The following AGPAT5 variants were observed in gnomAD, a reference collection of about 807,000 sequenced individuals.
AGPAT5 encodes the protein 1-acylglycerol-3-phosphate O-acyltransferase 5.
A neutral mutation model predicts 45.6 loss-of-function variants in AGPAT5; 46 were observed. The ratio of observed to expected loss-of-function variants is 1.01; its 90% confidence interval spans 0.80 to 1.29. AGPAT5 has a LOEUF of 1.29. AGPAT5 is among the 50% of genes most tolerant of loss of function. AGPAT5 has a pLI of 0.00. For synonymous variants in AGPAT5, 272 were observed against 167.0 expected (o/e 1.63, Z -4.85); for missense variants, 673 against 450.7 (o/e 1.49, Z -4.47).
intron 2 of AGPAT5, among the ~76,000 whole-genome samples, chr8:6,726,454 C>A (rs1408005908): frequency 6.6e-6 from 1 of 152,158 alleles, no homozygotes; most frequent in African/African-American, 2.4e-5. Flanking sequence ...AGTATGAACT[C>A]CACTCGATTA....
rs947528516 is a variant in AGPAT5, at chr8:6,757,531, G to A, written c.*143G>A. ...AAGATTGGATAATAGAATTTGTGACGAAAGCTGATATGCAATGGTCTTGGG... is the reference window on the plus strand; with the variant it reads ...AAGATTGGATAATAGAATTTGTGACAAAAGCTGATATGCAATGGTCTTGGG... On this transcript the variant is annotated 3_prime_UTR_variant, in exon 8 of 8. Coordinates refer to ENST00000285518, the MANE Select transcript of AGPAT5 (RefSeq NM_018361.5). 4.0e-5 allele frequency: 27 copies of A among 683,022 alleles called. 1 individual carries two copies. Among genetic ancestry groups the A allele is most frequent in the South Asian group, 2.7e-4 (14 of 51,230 alleles). 42.3% of individuals were successfully genotyped at this position (683,022 alleles called of 1,614,324 possible). A position where few individuals can be genotyped will look rare whatever the true frequency, so the allele number is the denominator to read the frequency against.
chr8:6,709,991 T>G (rs1276454440), intron 1 of AGPAT5, among the ~76,000 whole-genome samples: 1 of 152,230 alleles, frequency 6.6e-6, no homozygotes, highest in Non-Finnish European at 1.5e-5. Context: ...TCAGGCTAAT[T>G]TTTTCCCTTT....
intron 4 of AGPAT5, among the ~76,000 whole-genome samples, chr8:6,736,538 A>G (rs1455360060): frequency 6.6e-6 from 1 of 152,190 alleles, no homozygotes; most frequent in Non-Finnish European, 1.5e-5. Flanking sequence ...GTTCTTGCTT[A>G]TGGTACTTTC....
rs79089126 is a variant in AGPAT5, at chr8:6,757,857, A to G, written c.*469A>G. 626 of 154,156 alleles carry G rather than the reference A, an allele frequency of 4.1e-3. 3 individuals carry two copies. Among genetic ancestry groups the G allele is most frequent in the South Asian group, 9.4e-3 (46 of 4,912 alleles). 9.5% of individuals were successfully genotyped at this position (154,156 alleles called of 1,614,324 possible). ...TTGCTTATTTCTACAAGTCAGTGAAATAAATTGTATTTAGGAAGTGTCAGG... is the reference window on the plus strand; with the variant it reads ...TTGCTTATTTCTACAAGTCAGTGAAGTAAATTGTATTTAGGAAGTGTCAGG... On this transcript the variant is annotated 3_prime_UTR_variant, in exon 8 of 8. Coordinates refer to ENST00000285518, the MANE Select transcript of AGPAT5 (RefSeq NM_018361.5).
intron 1 of AGPAT5, among the ~76,000 whole-genome samples, chr8:6,717,113 C>T (rs183358562): frequency 1.3e-3 from 191 of 152,250 alleles, no homozygotes; most frequent in African/African-American, 4.4e-3. Context: ...AGAATTCTCA[C>T]GCAGCCAGCA....
At chr8:6,740,253 C>T (rs1801202659) in intron 4 of AGPAT5, among the ~76,000 whole-genome samples, 1 of 151,906 alleles carries the variant, frequency 6.6e-6, no homozygotes, top group South Asian at 2.1e-4. Context: ...ACAGTAATTG[C>T]TTTCATGGCT....
intron 1 of AGPAT5, among the ~76,000 whole-genome samples, chr8:6,714,037 T>A (rs1470363942): frequency 6.6e-6 from 1 of 152,224 alleles, no homozygotes; most frequent in African/African-American, 2.4e-5. Context: ...TTACTTAGAA[T>A]TGGAGAAGGG....
At chr8:6,730,661 C>G (rs1430611896) in intron 2 of AGPAT5, 50 bp from the exon 3 acceptor site, 1 of 1,240,356 alleles carries the variant, frequency 8.1e-7, no homozygotes. Flanking sequence ...ATTCATAGTA[C>G]AACCTGTGAA....
rs903724271 is a variant in AGPAT5 at position 6,709,572 on chromosome 8, A to T, written c.219+685A>T. The T allele has an allele frequency of 3.9e-5, 6 of 152,186 alleles. No individual in the cohort carries two copies. In the East Asian group the frequency reaches 1.2e-3, roughly 29 times the overall value. The allele number at this position is 152,186 out of a possible 1,614,324, so 9.4% of individuals were successfully genotyped here. A position where few individuals can be genotyped will look rare whatever the true frequency, so the allele number is the denominator to read the frequency against. On this transcript the variant is annotated intron_variant, in intron 1 of 7. Coordinates refer to ENST00000285518, the MANE Select transcript of AGPAT5 (RefSeq NM_018361.5). ...GTATTTGAAGTGTTATAAAAAAAAAAAAAAGGTGAATTTTTCTTTTATTTC... is the reference window on the plus strand; with the variant it reads ...GTATTTGAAGTGTTATAAAAAAAAATAAAAGGTGAATTTTTCTTTTATTTC...
rs376239324 is a variant in AGPAT5, at chr8:6,723,469, C to G, written c.220-1401C>G. ...TACCGACCCCGCCCGCCCACTCCAC[C>G]TCAGCCTCCCCAAAGCACTGGGATT... On this transcript the variant is annotated intron_variant, in intron 1 of 7. Transcript: ENST00000285518. Among the ~76,000 whole-genome samples, 256 of 152,306 alleles carry G rather than the reference C, an allele frequency of 1.7e-3. 1 individual carries two copies. Among genetic ancestry groups the G allele is most frequent in the African/African-American group, 5.0e-3 (207 of 41,544 alleles).
At chr8:6,717,580 A>C (rs141321194) in intron 1 of AGPAT5, among the ~76,000 whole-genome samples, 45 of 152,390 alleles carry the variant, frequency 3.0e-4, no homozygotes, top group Non-Finnish European at 5.4e-4. Flanking sequence ...CAAATTAAAG[A>C]AATGAACAAA....
chr8:6,742,290 C>T (rs1479930605), intron 5 of AGPAT5, among the ~76,000 whole-genome samples: 3 of 152,136 alleles, frequency 2.0e-5, no homozygotes, highest in Non-Finnish European at 4.4e-5. Context: ...AAAGTTGGTC[C>T]ACAGTGCTTG....
intron 1 of AGPAT5, among the ~76,000 whole-genome samples, chr8:6,721,506 A>G (rs886903466): frequency 2.0e-5 from 3 of 152,362 alleles, no homozygotes; most frequent in African/African-American, 7.2e-5. Flanking sequence ...AGTAGTTTAC[A>G]TAGTTTCACT....
chr8:6,749,543 C>G (rs1801586504), intron 6 of AGPAT5, among the ~76,000 whole-genome samples: 2 of 152,174 alleles, frequency 1.3e-5, no homozygotes, highest in South Asian at 2.1e-4. Flanking sequence ...CTTCTCCTTC[C>G]TAGCGATAAC....
rs189494939 is a variant in AGPAT5, at chr8:6,724,149, C to T, written c.220-721C>T. Among the ~76,000 whole-genome samples, 111 of 152,312 alleles carry T rather than the reference C, an allele frequency of 7.3e-4. 1 individual carries two copies. Among genetic ancestry groups the T allele is most frequent in the Admixed American group, 7.1e-3 (109 of 15,300 alleles). On this transcript the variant is annotated intron_variant, in intron 1 of 7. Transcript: ENST00000285518. ...GCCTACCGCCCAGTTTAAAAATAAA[C>T]TGGAATGATGTTTCTCTCATACTTA...
At chr8:6,755,901 C>T (rs1303688814) in intron 7 of AGPAT5, among the ~76,000 whole-genome samples, 3 of 152,124 alleles carry the variant, frequency 2.0e-5, no homozygotes, top group East Asian at 3.9e-4. Context: ...ATGTATTCAG[C>T]GAGCCATTCA....
chr8:6,720,469 G>A (rs975028934), intron 1 of AGPAT5, among the ~76,000 whole-genome samples: 3 of 152,180 alleles, frequency 2.0e-5, no homozygotes, highest in Non-Finnish European at 4.4e-5. Context: ...GATGACTTGG[G>A]AACAAGGCTC....
At chr8:6,739,310 C>T (rs28797585) in intron 4 of AGPAT5, among the ~76,000 whole-genome samples, 3,084 of 152,094 alleles carry the variant, frequency 0.02, 109 homozygotes, top group African/African-American at 0.07. Context: ...AGAATTAGCT[C>T]GACAATTTCT....
At chr8:6,748,092 A>T (rs894387663) in intron 6 of AGPAT5, among the ~76,000 whole-genome samples, 1 of 152,178 alleles carries the variant, frequency 6.6e-6, no homozygotes, top group African/African-American at 2.4e-5. Flanking sequence ...GTTCACACTT[A>T]AAAGGAAAGC....
Sources: allele counts gnomAD v4.1 joint callset (sites outside exome capture counted in the v4.1 genomes callset), GRCh38; gene constraint gnomAD v4.1.1; transcripts MANE v1.5; gene names NCBI Gene and HGNC (gene_info 2026-07-23, HGNC 2026-07-21).